The following ZNF492 variants were observed in gnomAD, a reference collection of about 807,000 sequenced individuals.
The protein encoded by ZNF492 is zinc finger protein 492.
In ZNF492, 3 loss-of-function variants were observed where a neutral mutation model predicts 6.4. The observed-to-expected ratio is 0.47, with a 90% CI of 0.21 to 1.22. The LOEUF (loss-of-function observed/expected upper bound fraction) is 1.22, where lower values mean the gene tolerates loss of function less well. ZNF492 is among the 50% of genes most tolerant of loss of function. The pLI is 0.22. For synonymous variants in ZNF492, 112 were observed against 205.3 expected, an observed-to-expected ratio of 0.55 and a Z score of 3.89; for missense variants, 356 against 612.5, an observed-to-expected ratio of 0.58 and a Z score of 4.42.
chr19:22,659,038 A>C (rs1468227877), intron 3 of ZNF492, among the ~76,000 whole-genome samples: 1 of 152,004 alleles, frequency 6.6e-6, no homozygotes. Flanking sequence ...CTGTTTCTTC[A>C]AAAATGCAGT....
intron 3 of ZNF492, among the ~76,000 whole-genome samples, chr19:22,661,957 T>C (rs773542297): frequency 3.3e-5 from 5 of 152,170 alleles, no homozygotes; most frequent in Non-Finnish European, 5.9e-5. Context: ...GTCTTTCTGC[T>C]GCTGTAAAAC....
intron 3 of ZNF492, 139 bp downstream of exon 3, chr19:22,654,154 AT>A: frequency 9.3e-7 from 1 of 1,070,182 alleles, no homozygotes; most frequent in Non-Finnish European, 1.3e-6. Flanking sequence ...AATTTTTTAA[AT>A]TTTGCTTTCA....
At chr19:22,637,740 A>G (rs571024886) in intron 1 of ZNF492, among the ~76,000 whole-genome samples, 55 of 152,312 alleles carry the variant, frequency 3.6e-4, no homozygotes, top group African/African-American at 1.2e-3. Context: ...TATATGCCCA[A>G]TTATGAGGTT....
At chr19:22,653,468 A>T in intron 2 of ZNF492, 35 bp downstream of exon 2, 1 of 1,592,672 alleles carries the variant, frequency 6.3e-7, no homozygotes, top group Non-Finnish European at 8.5e-7. Context: ...TCCCTAATAT[A>T]CCCTATAAAT....
At chr19:22,649,970 C>T (rs889869004) in intron 1 of ZNF492, among the ~76,000 whole-genome samples, 1 of 152,170 alleles carries the variant, frequency 6.6e-6, no homozygotes, top group African/African-American at 2.4e-5. Flanking sequence ...CATTCTCCAT[C>T]CAGTTCTGCA....
chr19:22,667,001 G>C lies in ZNF492; in HGVS notation c.*1736G>C, dbSNP rs1361735865. 1 of 152,142 alleles carries C rather than the reference G, an allele frequency of 6.6e-6. No individual in the cohort carries two copies. The highest frequency in any genetic ancestry group is 2.4e-5 in the African/African-American group (1 of 41,412). 9.4% of individuals were successfully genotyped at this position (152,142 alleles called of 1,614,324 possible). A position where few individuals can be genotyped will look rare whatever the true frequency, so the allele number is the denominator to read the frequency against. ...CCCAGCACTTTGGGAGGCAAAGGTG[G>C]GTAGATCACCTGAGGTCGGGAGTTC... On this transcript the variant is annotated 3_prime_UTR_variant, in exon 4 of 4. Coordinates refer to ENST00000456783, the MANE Select transcript of ZNF492 (RefSeq NM_020855.3).
At position 22,667,671 on chromosome 19, in the gene ZNF492, A is replaced by G. The variant is rs1178767519; in HGVS notation, c.*2406A>G. On this transcript the variant is annotated 3_prime_UTR_variant, in exon 4 of 4. Coordinates refer to ENST00000456783, the MANE Select transcript of ZNF492 (RefSeq NM_020855.3). Reference sequence around the variant, plus strand: ...TGAATAAATAAAAATAATTTCTTGTATATTTTTCTTTGAATATGTGGCCTC... The same window carrying G: ...TGAATAAATAAAAATAATTTCTTGTGTATTTTTCTTTGAATATGTGGCCTC... The G allele has an allele frequency of 2.6e-5, 4 of 151,952 alleles. No individual in the cohort carries two copies. The highest frequency in any genetic ancestry group is 2.6e-4 in the Admixed American group (4 of 15,262). The allele number at this position is 151,952 out of a possible 1,614,324, so 9.4% of individuals were successfully genotyped here.
chr19:22,634,930 C>G (rs1349783748), intron 1 of ZNF492, among the ~76,000 whole-genome samples: 2 of 152,108 alleles, frequency 1.3e-5, no homozygotes, highest in African/African-American at 4.8e-5. Flanking sequence ...AGGAGTGGTT[C>G]AAAAGTTATA....
chr19:22,646,616 C>T (rs141187698), intron 1 of ZNF492, among the ~76,000 whole-genome samples: 10 of 152,210 alleles, frequency 6.6e-5, no homozygotes, highest in African/African-American at 1.9e-4. Context: ...AGAATGCTTC[C>T]AGCTTTTTCC....
rs1418966641 is a variant in ZNF492 at position 22,667,616 on chromosome 19, C to G, written c.*2351C>G. The G allele has an allele frequency of 5.3e-5, 8 of 151,680 alleles. No individual in the cohort carries two copies. Among genetic ancestry groups the G allele is most frequent in the African/African-American group, 1.5e-4 (6 of 41,346 alleles). The allele number at this position is 151,680 out of a possible 1,614,324, so 9.4% of individuals were successfully genotyped here. A position where few individuals can be genotyped will look rare whatever the true frequency, so the allele number is the denominator to read the frequency against. ...TTATTTTTATAATAAAAATTATATA[C>G]AAGTATAAAATTTACACATTTCTGA... On this transcript the variant is annotated 3_prime_UTR_variant, in exon 4 of 4. Transcript: ENST00000456783.
intron 1 of ZNF492, among the ~76,000 whole-genome samples, chr19:22,635,846 C>T (rs1384618912): frequency 6.6e-6 from 1 of 152,142 alleles, no homozygotes; most frequent in African/African-American, 2.4e-5. Context: ...CAAGTGGATA[C>T]CCTGGGGAAA....
Position 22,663,837 on chromosome 19 carries a change from G to C in ZNF492, c.168G>C (p.Lys56Asn). 3 of 1,549,178 alleles carry C rather than the reference G, an allele frequency of 1.9e-6. No individual in the cohort carries two copies. The highest frequency in any genetic ancestry group is 1.7e-6 in the Non-Finnish European group (2 of 1,152,162). The change falls in exon 4 of 4, where the codon AAG (lysine) becomes AAC (asparagine). Residue 56 changes from lysine (K) to asparagine (N), a missense_variant. Lys to Asn is a moderately conservative substitution (Grantham distance 94). Around this residue, in one of 7 missense-constraint regions of ZNF492, gnomAD observed 196 missense variants for 219.4 expected, o/e 0.89. Coordinates refer to ENST00000456783, the MANE Select transcript of ZNF492 (RefSeq NM_020855.3). ...CSYFARDLWP[K>N]QGKKNYFQKV... The stretch of plus-strand genomic sequence containing the variant: ...ATTTTGCCCGAGACCTTTGGCCAAA[G>C]CAGGGCAAAAAAAATTATTTCCAAA...
chr19:22,659,435 A>G (rs929336822), intron 3 of ZNF492, among the ~76,000 whole-genome samples: 1 of 151,824 alleles, frequency 6.6e-6, no homozygotes, highest in African/African-American at 2.4e-5. Context: ...CCTTACTAAT[A>G]TTCTCATTTA....
intron 1 of ZNF492, among the ~76,000 whole-genome samples, chr19:22,636,957 C>T (rs114146388): frequency 0.05 from 5,170 of 103,408 alleles, 143 homozygotes; most frequent in Non-Finnish European, 0.063. Flanking sequence ...TTTAGTAAAC[C>T]TTTTTTTTTT....
chr19:22,654,860 C>G (rs1971978203), intron 3 of ZNF492, among the ~76,000 whole-genome samples: 1 of 150,562 alleles, frequency 6.6e-6, no homozygotes, highest in African/African-American at 2.4e-5. Context: ...CTCGGCCTCC[C>G]AGAGTGCTAG....
At chr19:22,655,208 C>T (rs182165326) in intron 3 of ZNF492, among the ~76,000 whole-genome samples, 41 of 151,702 alleles carry the variant, frequency 2.7e-4, no homozygotes, top group African/African-American at 8.5e-4. Context: ...GCGGAAGAAT[C>T]GCTTGAACCT....
intron 3 of ZNF492, among the ~76,000 whole-genome samples, chr19:22,662,195 G>T (rs55896822): frequency 0.081 from 12,321 of 152,022 alleles, 1,621 homozygotes; most frequent in African/African-American, 0.28. Context: ...TTGGTTTTCT[G>T]TCCTTGTGAT....
At chr19:22,651,105 C>T (rs926028690) in intron 1 of ZNF492, among the ~76,000 whole-genome samples, 1 of 152,054 alleles carries the variant, frequency 6.6e-6, no homozygotes, top group Non-Finnish European at 1.5e-5. Flanking sequence ...ATGGTTTTGT[C>T]GGCTAAGTAG....
At chr19:22,662,424 T>C (rs552110671) in intron 3 of ZNF492, among the ~76,000 whole-genome samples, 52 of 152,382 alleles carry the variant, frequency 3.4e-4, no homozygotes, top group African/African-American at 1.3e-3. Flanking sequence ...AGTAGCATGA[T>C]TTATAATCCT....
Sources: gnomAD v4.1 joint callset for allele counts (sites outside exome capture counted in the v4.1 genomes callset) on GRCh38, gnomAD v4.1.1 for gene constraint, gnomAD v4.1.1 regional missense constraint, MANE v1.5 for transcripts, NCBI Gene and HGNC (gene_info 2026-07-23, HGNC 2026-07-21) for gene names.